The following TTBK2 variants were observed in gnomAD, a reference collection of about 807,000 sequenced individuals.
The protein encoded by TTBK2 is tau tubulin kinase 2.
Under a neutral mutation model 110.8 loss-of-function variants are expected in TTBK2, and 28 were observed. The ratio of observed to expected loss-of-function variants is 0.25; its 90% CI spans 0.19 to 0.35. The LOEUF (loss-of-function observed/expected upper bound fraction) is 0.35, where lower values mean the gene tolerates loss of function less well. Among genes scored for constraint, TTBK2 ranks in the 10% least tolerant of loss-of-function variants. The pLI is 1.00. For missense variants in TTBK2, 1,369 were observed against 1,500.3 expected (o/e 0.91, Z 1.45); for synonymous variants, 532 against 527.3 (o/e 1.01, Z -0.12).
chr15:42,852,334 G>T (rs1346590070), intron 3 of TTBK2, among the ~76,000 whole-genome samples: 1 of 152,130 alleles, frequency 6.6e-6, no homozygotes, highest in Non-Finnish European at 1.5e-5. Flanking sequence ...CTCCCAAAGT[G>T]CTGGGATTAC....
At chr15:42,819,492 A>G (rs887036284) in intron 6 of TTBK2, among the ~76,000 whole-genome samples, 5 of 152,152 alleles carry the variant, frequency 3.3e-5, no homozygotes, top group African/African-American at 1.2e-4. Flanking sequence ...CCTTCATTAA[A>G]TACTCTCTTT....
intron 1 of TTBK2, among the ~76,000 whole-genome samples, chr15:42,909,474 C>T (rs2030619579): frequency 6.6e-6 from 1 of 152,116 alleles, no homozygotes; most frequent in Admixed American, 6.6e-5. Context: ...TCAGACCCAC[C>T]CAGATAATCA....
intron 11 of TTBK2, among the ~76,000 whole-genome samples, 172 bp from the exon 12 acceptor site, chr15:42,777,414 A>C (rs1422861044): frequency 1.3e-5 from 2 of 152,222 alleles, no homozygotes. Flanking sequence ...TCTTTATTAA[A>C]TGTGTTTTCT....
intron 2 of TTBK2, among the ~76,000 whole-genome samples, chr15:42,877,196 C>G (rs1260789289): frequency 1.3e-5 from 2 of 152,032 alleles, no homozygotes; most frequent in Non-Finnish European, 2.9e-5. Flanking sequence ...AACTAACAGA[C>G]CTAGGTAATG....
chr15:42,910,375 T>C (rs1235435882), intron 1 of TTBK2, among the ~76,000 whole-genome samples: 3 of 152,192 alleles, frequency 2.0e-5, no homozygotes, highest in Non-Finnish European at 2.9e-5. Context: ...GTCCTCCTAA[T>C]AGAGTACACA....
At chr15:42,898,124 C>T (rs759746539) in intron 1 of TTBK2, among the ~76,000 whole-genome samples, 4 of 152,080 alleles carry the variant, frequency 2.6e-5, no homozygotes, top group African/African-American at 7.2e-5. Flanking sequence ...CTGCTTATGA[C>T]GGCCTTCTCA....
chr15:42,778,270 CAAGTT>C (rs1328541780), intron 11 of TTBK2, among the ~76,000 whole-genome samples: 1 of 82,408 alleles, frequency 1.2e-5, no homozygotes, highest in Non-Finnish European at 2.5e-5. Flanking sequence ...ATTCAATTAA[CAAGTT>C]AAGCAGCAAG....
At chr15:42,773,787 GTGGGTTGGGAGAAAGGA>G (rs1308710673) in intron 13 of TTBK2, among the ~76,000 whole-genome samples, 4 of 152,140 alleles carry the variant, frequency 2.6e-5, no homozygotes, top group Non-Finnish European at 5.9e-5. Flanking sequence ...AAGAGGAAAG[GTGGGTTGGGAGAAAGGA>G]TGAAGCAGGG....
At chr15:42,788,515 T>C (rs2140837146) in intron 10 of TTBK2, among the ~76,000 whole-genome samples, 1 of 152,322 alleles carries the variant, frequency 6.6e-6, no homozygotes, top group African/African-American at 2.4e-5. Context: ...TGAGTGTGTT[T>C]TTATGTCTCC....
At chr15:42,862,055 A>C (rs1331802242) in intron 3 of TTBK2, among the ~76,000 whole-genome samples, 1 of 152,220 alleles carries the variant, frequency 6.6e-6, no homozygotes, top group Non-Finnish European at 1.5e-5. Flanking sequence ...GAAAACCTGA[A>C]CAGACCAACA....
In TTBK2 at chr15:42,785,365, C is replaced by T. The variant is rs1040680775; in HGVS notation, c.981-1730G>A. Among the ~76,000 whole-genome samples, 5 of 152,254 alleles carry T rather than the reference C, an allele frequency of 3.3e-5. No individual in the cohort carries two copies. The East Asian group carries it at 9.6e-4, about 29-fold the overall frequency. ...CGAACTCCTGGCCCCAAGTGATCCA[C>T]CCACCTTGGCCTCCCAAAGTGCTGG... On this transcript the variant is annotated intron_variant, in intron 10 of 14. Transcript: ENST00000267890.
intron 13 of TTBK2, among the ~76,000 whole-genome samples, chr15:42,755,301 A>G (rs1227607879): frequency 3.9e-5 from 6 of 152,224 alleles, no homozygotes; most frequent in Non-Finnish European, 8.8e-5. Context: ...AATTGGTCTG[A>G]ATACAATGCA....
intron 9 of TTBK2, chr15:42,801,480 G>T (rs145191352): frequency 3.8e-6 from 3 of 784,378 alleles, no homozygotes; most frequent in Non-Finnish European, 7.0e-6. Flanking sequence ...CTGATGTTCC[G>T]GTTCATCTAG....
At chr15:42,799,665 A>G (rs1488441511) in intron 9 of TTBK2, among the ~76,000 whole-genome samples, 1 of 151,922 alleles carries the variant, frequency 6.6e-6, no homozygotes, top group African/African-American at 2.4e-5. Flanking sequence ...TGAACTCCTG[A>G]CCTCAAGTGA....
intron 1 of TTBK2, among the ~76,000 whole-genome samples, chr15:42,909,609 A>G (rs141585079): frequency 0.024 from 3,608 of 152,276 alleles, 68 homozygotes; most frequent in Non-Finnish European, 0.032. Flanking sequence ...CCATTATTGC[A>G]CTTACCGCAA....
rs141900598 is a variant in TTBK2, at chr15:42,885,895, C to T, written c.-67-7211G>A. ...AGCGTTTTATTTCCTTCTGCAATAC[C>T]GCTTGGCCCCAATACAAACTCGACA... is the stretch of plus-strand genomic sequence containing the variant. On this transcript the variant is annotated intron_variant, in intron 1 of 14. Coordinates refer to ENST00000267890, the MANE Select transcript of TTBK2 (RefSeq NM_173500.4). 8.7e-3 allele frequency among the ~76,000 whole-genome samples: 1,330 copies of T among 152,232 alleles called. 7 individuals carry two copies. Among genetic ancestry groups the T allele is most frequent in the Middle Eastern group, 0.027 (8 of 294 alleles).
At chr15:42,790,881 TTTTG>T (rs1240617729) in intron 10 of TTBK2, among the ~76,000 whole-genome samples, 1 of 151,756 alleles carries the variant, frequency 6.6e-6, no homozygotes, top group South Asian at 2.1e-4. Context: ...TGTGTGTTTT[TTTTG>T]TTTGTTTGTT....
chr15:42,835,413 C>T (rs1354024559), intron 4 of TTBK2, among the ~76,000 whole-genome samples: 2 of 152,098 alleles, frequency 1.3e-5, no homozygotes, highest in Admixed American at 1.3e-4. Context: ...GACAGAAATA[C>T]ATATTAAAGA....
At chr15:42,794,879 A>C in intron 9 of TTBK2, 78 bp from the exon 10 acceptor site, 2 of 1,572,022 alleles carry the variant, frequency 1.3e-6, no homozygotes, top group Non-Finnish European at 1.7e-6. Flanking sequence ...AGCACACCAG[A>C]CTCATAAAAT....
Sources: gnomAD v4.1 joint callset for allele counts (sites outside exome capture counted in the v4.1 genomes callset) on GRCh38, gnomAD v4.1.1 for gene constraint, MANE v1.5 for transcripts, NCBI Gene and HGNC (gene_info 2026-07-23, HGNC 2026-07-21) for gene names.